The following DPY19L3 variants were observed in gnomAD, a reference collection of about 807,000 sequenced individuals.
DPY19L3 encodes the protein protein C-mannosyl-transferase DPY19L3.
A neutral mutation model predicts 92.3 loss-of-function variants in DPY19L3; 51 were observed. The ratio of observed to expected loss-of-function variants is 0.55; its 90% confidence interval spans 0.44 to 0.70. The LOEUF (loss-of-function observed/expected upper bound fraction) is 0.70, where lower values mean the gene tolerates loss of function less well. DPY19L3 is among the 30% of genes least tolerant of loss of function. The pLI, the probability that DPY19L3 is intolerant of heterozygous loss-of-function variation, is 0.00. For synonymous variants in DPY19L3, 309 were observed against 315.2 expected (o/e 0.98, Z 0.21); for missense variants, 706 against 855.9 (o/e 0.82, Z 2.18).
chr19:32,444,600 A>C (rs1003360891), intron 8 of DPY19L3, among the ~76,000 whole-genome samples: 1 of 152,238 alleles, frequency 6.6e-6, no homozygotes, highest in African/African-American at 2.4e-5. Context: ...ATTTGGCAAA[A>C]GCTATAAACC....
At chr19:32,456,715 C>A (rs149806166) in intron 10 of DPY19L3, among the ~76,000 whole-genome samples, 21 of 152,248 alleles carry the variant, frequency 1.4e-4, no homozygotes, top group African/African-American at 4.6e-4. Flanking sequence ...ATTACAGACA[C>A]GAGCTGCTGC....
chr19:32,428,957 C>G (rs569349302), intron 3 of DPY19L3, among the ~76,000 whole-genome samples: 1 of 152,042 alleles, frequency 6.6e-6, no homozygotes, highest in Non-Finnish European at 1.5e-5. Context: ...AAGTGATTCT[C>G]CTGCCTCAGC....
chr19:32,452,635 A>G (rs1395945612), intron 8 of DPY19L3, among the ~76,000 whole-genome samples: 1 of 152,134 alleles, frequency 6.6e-6, no homozygotes, highest in Admixed American at 6.5e-5. Context: ...TTAATGTTAG[A>G]AGATTTCTGT....
In DPY19L3 at chr19:32,445,440, C is replaced by CAAAAAAAAAAAAAAAAAAA. The variant is rs71336904; in HGVS notation, c.855+5533_855+5551dup. Among the ~76,000 whole-genome samples, 29 of 42,824 alleles carry CAAAAAAAAAAAAAAAAAAA rather than the reference C, an allele frequency of 6.8e-4. 6 individuals carry two copies. Among genetic ancestry groups the CAAAAAAAAAAAAAAAAAAA allele is most frequent in the East Asian group, 1.7e-3 (2 of 1,146 alleles). 28.1% of individuals were successfully genotyped at this position (42,824 alleles called of 152,430 possible). On this transcript the variant is annotated intron_variant, in intron 8 of 18. Transcript: ENST00000392250. ...TGGGGGACAGAGCGAGACTTCATCT[C>CAAAAAAAAAAAAAAAAAAA]AAAAAAAAAAAAAAAAAAAAACCAT...
At chr19:32,453,965 A>G (rs1219545033) in intron 9 of DPY19L3, among the ~76,000 whole-genome samples, 1 of 152,168 alleles carries the variant, frequency 6.6e-6, no homozygotes, top group East Asian at 1.9e-4. Flanking sequence ...TTCCGTGTCA[A>G]GAAGCCATTT....
intron 3 of DPY19L3, 97 bp from the exon 4 acceptor site, chr19:32,432,619 C>T: frequency 1.0e-6 from 1 of 993,274 alleles, no homozygotes; most frequent in South Asian, 1.6e-5. Context: ...AGAGTTTTTT[C>T]TCTTTCAAGT....
rs1168055688 is a variant in DPY19L3, at chr19:32,408,230, A to G, written c.-24A>G. ...ATTGCTATCTAGGAGTGATTTGGAGAACAATGCATGTAAGTCTGACATCAT... is the reference window on the plus strand; with the variant it reads ...ATTGCTATCTAGGAGTGATTTGGAGGACAATGCATGTAAGTCTGACATCAT... On this transcript the variant is annotated 5_prime_UTR_variant, in exon 2 of 19. Coordinates refer to ENST00000392250, the MANE Select transcript of DPY19L3 (RefSeq NM_001172774.2). 1 of 1,562,580 alleles carries G rather than the reference A, an allele frequency of 6.4e-7. No individual in the cohort carries two copies. Among genetic ancestry groups the G allele is most frequent in the Non-Finnish European group, 8.8e-7 (1 of 1,137,224 alleles).
chr19:32,440,621 G>A (rs145764020), intron 8 of DPY19L3, among the ~76,000 whole-genome samples: 3 of 152,204 alleles, frequency 2.0e-5, no homozygotes, highest in African/African-American at 7.2e-5. Flanking sequence ...GACTGAGTCT[G>A]AATTAAGAAA....
intron 16 of DPY19L3, 62 bp downstream of exon 16, chr19:32,468,875 CAT>C: frequency 6.7e-7 from 1 of 1,497,320 alleles, no homozygotes; most frequent in Admixed American, 2.2e-5. Flanking sequence ...CTATAGACCA[CAT>C]TTCGTTTTGG....
At chr19:32,467,545 T>A (rs535171661) in intron 15 of DPY19L3, 1 of 987,576 alleles carries the variant, frequency 1.0e-6, no homozygotes, top group South Asian at 4.7e-5. Context: ...GAGACAAGAT[T>A]TGAATGAGCA....
intron 3 of DPY19L3, among the ~76,000 whole-genome samples, chr19:32,416,104 G>A (rs1479830635): frequency 6.6e-6 from 1 of 152,188 alleles, no homozygotes; most frequent in Non-Finnish European, 1.5e-5. Flanking sequence ...GAGTGATGAG[G>A]AGAAGGTAGA....
chr19:32,450,615 C>G (rs902228477), intron 8 of DPY19L3, among the ~76,000 whole-genome samples: 4 of 152,124 alleles, frequency 2.6e-5, no homozygotes, highest in African/African-American at 9.7e-5. Flanking sequence ...GAGAAGATAG[C>G]TAAAAAGACT....
chr19:32,464,392 G>A (rs1259424111), intron 14 of DPY19L3, among the ~76,000 whole-genome samples: 1 of 152,136 alleles, frequency 6.6e-6, no homozygotes, highest in Non-Finnish European at 1.5e-5. Flanking sequence ...TCACTAGGTG[G>A]CAATATAGTA....
At chr19:32,412,423 CT>C (rs1968217983) in intron 3 of DPY19L3, 1 of 142,380 alleles carries the variant, frequency 7.0e-6, no homozygotes, top group Admixed American at 7.1e-5. Flanking sequence ...AAGGTACTTC[CT>C]TTTCTTTTTT....
At chr19:32,437,047 T>C in intron 5 of DPY19L3, 147 bp from the exon 6 acceptor site, 1 of 902,866 alleles carries the variant, frequency 1.1e-6, no homozygotes, top group Non-Finnish European at 1.6e-6. Flanking sequence ...ACCCGAACGC[T>C]TCTCTAATAG....
At position 32,436,544 on chromosome 19, in the gene DPY19L3, T is replaced by G. The variant is rs1969145150; in HGVS notation, c.427T>G (p.Leu143Val). The G allele has an allele frequency of 6.4e-7, 1 of 1,570,910 alleles. No individual in the cohort carries two copies. Among genetic ancestry groups the G allele is most frequent in the African/African-American group, 1.4e-5 (1 of 73,554 alleles). Residue 143 changes from leucine to valine, a missense_variant, in exon 5 of 19, where the codon TTA (leucine) becomes GTA (valine). Transcript: ENST00000392250. Reference sequence around the variant, plus strand: ...TTACCAAGAGGTTTTTCTCAGTATTTTATATAGAGTTCTACCCATACAGGT... The same window carrying G: ...TTACCAAGAGGTTTTTCTCAGTATTGTATATAGAGTTCTACCCATACAGGT... ...NIYQEVFLSI[L>V]YRVLPIQKYL...
chr19:32,463,929 T>C lies in DPY19L3; in HGVS notation c.1506T>C (p.Pro502=). The C allele has an allele frequency of 6.2e-7, 1 of 1,613,474 alleles. No homozygotes were observed. The highest frequency in any genetic ancestry group is 8.5e-7 in the Non-Finnish European group (1 of 1,179,522). ...CVFASFGLCS[P]EIWELLLKSV... ...TCGCATCATTCGGCCTATGTAGCCC[T>C]GAAATATGGGAGTTACTTCTGAAGT... The change falls in exon 14 of 19, where the codon CCT becomes CCC. Residue 502 remains proline (P), a synonymous_variant. Transcript: ENST00000392250.
chr19:32,416,118 G>T (rs1968369386), intron 3 of DPY19L3, among the ~76,000 whole-genome samples: 1 of 152,212 alleles, frequency 6.6e-6, no homozygotes, highest in South Asian at 2.1e-4. Flanking sequence ...AGGTAGAAGA[G>T]AGGAGAAGAA....
chr19:32,439,023 T>G, intron 6 of DPY19L3, 89 bp from the exon 7 acceptor site: 4 of 1,425,556 alleles, frequency 2.8e-6, no homozygotes, highest in Non-Finnish European at 3.8e-6. Flanking sequence ...ATACTTGTCC[T>G]TAATGTAATA....
Sources: allele counts gnomAD v4.1 joint callset (sites outside exome capture counted in the v4.1 genomes callset), GRCh38; gene constraint gnomAD v4.1.1; transcripts MANE v1.5; gene names NCBI Gene and HGNC (gene_info 2026-07-23, HGNC 2026-07-21).